BMP7: variants seen among roughly 807,000 people sequenced by gnomAD.
BMP7 encodes bone morphogenetic protein 7.
BMP7 carries 12 observed loss-of-function variants against 41.2 expected under a neutral mutation model. That is an observed-to-expected ratio of 0.29 (90% CI 0.19 to 0.47). The LOEUF is 0.47. BMP7 is among the 20% of genes least tolerant of loss of function. The probability of loss-of-function intolerance (pLI) is 0.99; values close to 1 mark genes in which losing one functional copy is unlikely to be tolerated. For missense variants in BMP7, 467 were observed against 606.0 expected (o/e 0.77, Z 2.41); for synonymous variants, 248 against 250.0 (o/e 0.99, Z 0.07).
Position 57,182,796 on chromosome 20 carries a change from C to T in BMP7, c.958+926G>A, listed in dbSNP as rs144803923. ...AGCACGACCTCCTGGAAGTCTCCTT[C>T]GCACAATGCGTTAACTTTACTTATA... On this transcript the variant is annotated intron_variant, in intron 4 of 6. Transcript: ENST00000395863. Among the ~76,000 whole-genome samples the T allele has an allele frequency of 5.5e-3, 831 of 152,390 alleles. 10 individuals carry two copies. The highest frequency in any genetic ancestry group is 0.019 in the African/African-American group (783 of 41,596).
At chr20:57,183,492 G>A (rs1252058387) in intron 4 of BMP7, among the ~76,000 whole-genome samples, 1 of 152,122 alleles carries the variant, frequency 6.6e-6, no homozygotes, top group African/African-American at 2.4e-5. Context: ...CTACATGCTT[G>A]GTGTTGTGTT....
At chr20:57,230,929 G>A (rs927864729) in intron 1 of BMP7, among the ~76,000 whole-genome samples, 8 of 151,872 alleles carry the variant, frequency 5.3e-5, no homozygotes, top group East Asian at 2.0e-4. Context: ...CACCTGCCTC[G>A]GCCTCACAAA....
At chr20:57,233,440 A>C (rs1408630920) in intron 1 of BMP7, among the ~76,000 whole-genome samples, 1 of 152,232 alleles carries the variant, frequency 6.6e-6, no homozygotes, top group East Asian at 1.9e-4. Flanking sequence ...TCCTTTTACA[A>C]AAACCCGAAA....
At position 57,174,589 on chromosome 20, in the gene BMP7, G is replaced by C. The variant is rs1029713857; in HGVS notation, c.1035+342C>G. Among the ~76,000 whole-genome samples, 1 of 152,216 alleles carries C rather than the reference G, an allele frequency of 6.6e-6. No individual in the cohort carries two copies. Among genetic ancestry groups the C allele is most frequent in the African/African-American group, 2.4e-5 (1 of 41,456 alleles). On this transcript the variant is annotated intron_variant, in intron 5 of 6. Transcript: ENST00000395863. This position sits in a 1 kb window ranked among gnomAD's most constrained non-coding sequence, Gnocchi z 4.3. The stretch of plus-strand genomic sequence containing the variant: ...GGGTAAATGAAGTCAGAGGGCAGAG[G>C]GGGAGATGGCTCCCCAGGTATCTAC...
chr20:57,192,582 G>A lies in BMP7; in HGVS notation c.761-8663C>T, dbSNP rs368622667. 8.1e-4 allele frequency among the ~76,000 whole-genome samples: 123 copies of A among 152,034 alleles called. 1 individual carries two copies. Among genetic ancestry groups the A allele is most frequent in the Non-Finnish European group, 1.0e-3 (68 of 67,996 alleles). On this transcript the variant is annotated intron_variant, in intron 3 of 6. Coordinates refer to ENST00000395863, the MANE Select transcript of BMP7 (RefSeq NM_001719.3). ...CTGGCTAGGGAGCCAGCCTGCATCT[G>A]TAAGGCATAGGGGCGAGGTGAGTGA...
chr20:57,203,234 G>A (rs1365342765), intron 2 of BMP7, among the ~76,000 whole-genome samples: 3 of 152,118 alleles, frequency 2.0e-5, no homozygotes, highest in Non-Finnish European at 4.4e-5. Context: ...CAAGAGTTAG[G>A]AGGTGAATCT....
Position 57,197,401 on chromosome 20 carries a change from G to A in BMP7, c.760+5074C>T, listed in dbSNP as rs78392975. Reference sequence around the variant, plus strand: ...AGAGGGTCCTGGGGTCTCTACCTCCGGATGGCCAGGCTGGGTCCCCTGCAG... The same window carrying A: ...AGAGGGTCCTGGGGTCTCTACCTCCAGATGGCCAGGCTGGGTCCCCTGCAG... On this transcript the variant is annotated intron_variant, in intron 3 of 6. Transcript: ENST00000395863. Among the ~76,000 whole-genome samples the A allele has an allele frequency of 5.3e-5, 8 of 152,216 alleles. No individual in the cohort carries two copies. The East Asian group carries it at 9.7e-4, about 18-fold the overall frequency.
chr20:57,221,080 C>A (rs1985179027), intron 2 of BMP7, among the ~76,000 whole-genome samples: 2 of 152,168 alleles, frequency 1.3e-5, no homozygotes, highest in South Asian at 4.1e-4. Context: ...ATGTGCCAGG[C>A]TCTAGGCAAA....
intron 4 of BMP7, among the ~76,000 whole-genome samples, chr20:57,180,118 C>T (rs1336329400): frequency 6.6e-5 from 10 of 152,152 alleles, no homozygotes; most frequent in Admixed American, 3.3e-4. Context: ...GGCCTCTGAG[C>T]ACCCCCTCGG....
chr20:57,238,828 G>A (rs932950341), intron 1 of BMP7, among the ~76,000 whole-genome samples: 1 of 152,130 alleles, frequency 6.6e-6, no homozygotes, highest in African/African-American at 2.4e-5. Context: ...AAGCAAAGCT[G>A]AAACCCCTGA....
At chr20:57,238,914 C>G (rs752659942) in intron 1 of BMP7, among the ~76,000 whole-genome samples, 25 of 152,266 alleles carry the variant, frequency 1.6e-4, no homozygotes, top group Non-Finnish European at 3.1e-4. Context: ...ATTCAATTAC[C>G]TCCCCCGAGT....
intron 3 of BMP7, among the ~76,000 whole-genome samples, chr20:57,198,462 C>T (rs1344072342): frequency 1.3e-5 from 2 of 152,146 alleles, no homozygotes; most frequent in African/African-American, 4.8e-5. Context: ...CCAGCCCATC[C>T]CCAGGGAGAT....
chr20:57,210,567 A>C (rs1290912574), intron 2 of BMP7, among the ~76,000 whole-genome samples: 1 of 152,210 alleles, frequency 6.6e-6, no homozygotes, highest in Non-Finnish European at 1.5e-5. Context: ...CTCAGCGCAA[A>C]CACAGATCCA....
chr20:57,176,750 T>TCACACACACACACACACACACACA (rs60465573), intron 4 of BMP7, among the ~76,000 whole-genome samples: 1 of 135,406 alleles, frequency 7.4e-6, no homozygotes, highest in African/African-American at 2.8e-5. Context: ...CATTCTCCAT[T>TCACACACACACACACACACACACA]CACACACACA....
chr20:57,244,116 C>G (rs2066080342), intron 1 of BMP7: 1 of 152,204 alleles, frequency 6.6e-6, no homozygotes, highest in Non-Finnish European at 1.5e-5. Context: ...TGCCCAGAGT[C>G]ACACGCGAGC....
At position 57,266,130 on chromosome 20, in the gene BMP7, G is replaced by A; in HGVS notation, c.-8C>T. The stretch of plus-strand genomic sequence containing the variant: ...CAGTGAGCGCACGTGCATCGCGCCG[G>A]CTCTACGCGCTACCCGGGCTCCGGG... On this transcript the variant is annotated 5_prime_UTR_variant, in exon 1 of 7. Transcript: ENST00000395863. 6.6e-7 allele frequency: 1 copy of A among 1,524,372 alleles called. No individual in the cohort carries two copies. The highest frequency in any genetic ancestry group is 8.8e-7 in the Non-Finnish European group (1 of 1,140,726). The allele number at this position is 1,524,372 out of a possible 1,614,324, so 94.4% of individuals were successfully genotyped here. A position where few individuals can be genotyped will look rare whatever the true frequency, so the allele number is the denominator to read the frequency against.
Position 57,170,722 on chromosome 20 carries a change from T to A in BMP7, c.*237A>T, listed in dbSNP as rs1478938896. On this transcript the variant is annotated 3_prime_UTR_variant, in exon 7 of 7. Transcript: ENST00000395863. ...CATTTTTCTTTATGCGTTGTTTTTT[T>A]TTCCTGCTAGGTTTTGCCTGCACAG... The A allele has an allele frequency of 7.6e-6, 4 of 525,534 alleles. No individual in the cohort carries two copies. The highest frequency in any genetic ancestry group is 1.3e-5 in the Non-Finnish European group (4 of 298,124). The allele number at this position is 525,534 out of a possible 1,614,324, so 32.6% of individuals were successfully genotyped here. A position where few individuals can be genotyped will look rare whatever the true frequency, so the allele number is the denominator to read the frequency against.
At chr20:57,203,374 T>C (rs1161852599) in intron 2 of BMP7, among the ~76,000 whole-genome samples, 2 of 152,026 alleles carry the variant, frequency 1.3e-5, no homozygotes, top group African/African-American at 2.4e-5. Flanking sequence ...GATGGATGGG[T>C]AGATGGGTAG....
Position 57,206,012 on chromosome 20 carries a change from A to T in BMP7, c.612-3389T>A, listed in dbSNP as rs73183016. On this transcript the variant is annotated intron_variant, in intron 2 of 6. Transcript: ENST00000395863. ...ACTGAGAGCCCAGGCATGAGGTTGG[A>T]CCTCATGGAAAGGACAAGGAAGGAA... is the stretch of plus-strand genomic sequence containing the variant. Among the ~76,000 whole-genome samples the T allele has an allele frequency of 3.9e-3, 596 of 152,236 alleles. 2 individuals carry two copies. The highest frequency in any genetic ancestry group is 7.2e-3 in the Non-Finnish European group (493 of 68,016).
Sources: gnomAD v4.1 joint callset for allele counts (sites outside exome capture counted in the v4.1 genomes callset) on GRCh38, gnomAD v4.1.1 for gene constraint, Gnocchi (gnomAD v3.1) non-coding constraint, MANE v1.5 for transcripts, NCBI Gene and HGNC (gene_info 2026-07-23, HGNC 2026-07-21) for gene names.